The following ITK variants were observed in gnomAD, a reference collection of about 807,000 sequenced individuals.
ITK encodes the protein IL2 inducible T cell kinase, also known as tyrosine-protein kinase ITK/TSK.
In ITK, 45 loss-of-function variants were observed where a neutral mutation model predicts 87.6. That is an observed-to-expected ratio of 0.51 (90% CI 0.40 to 0.66). ITK has a LOEUF of 0.66. ITK is among the 30% of genes least tolerant of loss of function. The probability of loss-of-function intolerance (pLI) is 0.00; values close to 1 mark genes in which losing one functional copy is unlikely to be tolerated. For synonymous variants in ITK, 303 were observed against 273.6 expected (o/e 1.11, Z -1.06); for missense variants, 605 against 766.3 (o/e 0.79, Z 2.48).
At chr5:157,200,221 C>G (rs1443340373) in intron 1 of ITK, among the ~76,000 whole-genome samples, 1 of 152,178 alleles carries the variant, frequency 6.6e-6, no homozygotes, top group Non-Finnish European at 1.5e-5. Context: ...TTGTGTCTGA[C>G]ACGTGTCAGA....
At chr5:157,204,515 C>T (rs1165021999) in intron 1 of ITK, among the ~76,000 whole-genome samples, 4 of 152,056 alleles carry the variant, frequency 2.6e-5, no homozygotes, top group South Asian at 2.1e-4. Flanking sequence ...CTGGCTATCA[C>T]GGTGAAACCC....
rs1755178705 is a variant in ITK, at chr5:157,253,224, T to C, written c.*546T>C. On this transcript the variant is annotated 3_prime_UTR_variant, in exon 17 of 17. Coordinates refer to ENST00000422843, the MANE Select transcript of ITK (RefSeq NM_005546.4). ...TTGCTGTGATGCTGTCAGCCACAGC[T>C]TCCTGCCGTAGAGAATGATAGAGCA... 4.0e-6 allele frequency: 1 copy of C among 249,394 alleles called. No individual in the cohort carries two copies. Among genetic ancestry groups the C allele is most frequent in the Non-Finnish European group, 8.0e-6 (1 of 125,530 alleles). 15.4% of individuals were successfully genotyped at this position (249,394 alleles called of 1,614,324 possible). A position where few individuals can be genotyped will look rare whatever the true frequency, so the allele number is the denominator to read the frequency against.
intron 1 of ITK, among the ~76,000 whole-genome samples, chr5:157,184,944 A>G (rs908162700): frequency 3.9e-5 from 6 of 152,148 alleles, no homozygotes; most frequent in African/African-American, 1.4e-4. Flanking sequence ...AGAAACAGTC[A>G]AGATCACCAT....
At chr5:157,212,712 C>A (rs2113754762) in intron 3 of ITK, among the ~76,000 whole-genome samples, 1 of 152,130 alleles carries the variant, frequency 6.6e-6, no homozygotes, top group African/African-American at 2.4e-5. Context: ...ATTAGGCAGG[C>A]ATGGTGGCAC....
At chr5:157,188,960 A>G (rs1346669186) in intron 1 of ITK, among the ~76,000 whole-genome samples, 2 of 152,166 alleles carry the variant, frequency 1.3e-5, no homozygotes, top group Non-Finnish European at 2.9e-5. Flanking sequence ...CATCATCTAA[A>G]ACAGTTCTGG....
chr5:157,234,548 G>A (rs942863088), intron 8 of ITK, among the ~76,000 whole-genome samples: 1 of 152,102 alleles, frequency 6.6e-6, no homozygotes, highest in Non-Finnish European at 1.5e-5. Flanking sequence ...GCGTATATGT[G>A]CCACATTTTC....
chr5:157,238,325 T>C (rs1754818832), intron 9 of ITK, 134 bp downstream of exon 9: 4 of 743,028 alleles, frequency 5.4e-6, no homozygotes, highest in Non-Finnish European at 9.6e-6. Flanking sequence ...CCCTCTTTAC[T>C]CCGAGAAAAC....
chr5:157,250,831 A>G (rs980059223), intron 16 of ITK, among the ~76,000 whole-genome samples: 2 of 152,078 alleles, frequency 1.3e-5, no homozygotes, highest in East Asian at 3.9e-4. Context: ...ATATGCCTTT[A>G]AGGTCCCTCC....
At position 157,191,856 on chromosome 5, in the gene ITK, T is replaced by A. The variant is rs1233044627; in HGVS notation, c.138+10741T>A. 9.2e-5 allele frequency among the ~76,000 whole-genome samples: 14 copies of A among 152,302 alleles called. 4 individuals are homozygous for A. The highest frequency in any genetic ancestry group is 7.8e-4 in the Admixed American group (12 of 15,288). On this transcript the variant is annotated intron_variant, in intron 1 of 16. Coordinates refer to ENST00000422843, the MANE Select transcript of ITK (RefSeq NM_005546.4). ...AAGCAGTATACATAATATAGGGCTG[T>A]CTCATTTTTAAAATCAGCTTCTTAG... is the stretch of plus-strand genomic sequence containing the variant.
chr5:157,189,648 T>A (rs1446053960), intron 1 of ITK, among the ~76,000 whole-genome samples: 1 of 151,990 alleles, frequency 6.6e-6, no homozygotes, highest in Non-Finnish European at 1.5e-5. Flanking sequence ...ACCACTGCAC[T>A]CCAGCCTGGG....
chr5:157,205,088 C>T (rs1334433794), intron 1 of ITK, among the ~76,000 whole-genome samples: 1 of 152,166 alleles, frequency 6.6e-6, no homozygotes, highest in Non-Finnish European at 1.5e-5. Context: ...GTTAAGGCTT[C>T]CTTAACTTCT....
rs869230073 is a variant in ITK at position 157,233,963 on chromosome 5, A to AT, written c.768+1604dup. 3.1e-4 allele frequency among the ~76,000 whole-genome samples: 7 copies of AT among 22,294 alleles called. 2 individuals are homozygous for AT. The highest frequency in any genetic ancestry group is 5.6e-4 in the Non-Finnish European group (7 of 12,544). The allele number at this position is 22,294 out of a possible 152,430, so 14.6% of individuals were successfully genotyped here. On this transcript the variant is annotated intron_variant, in intron 8 of 16. Transcript: ENST00000422843. Reference sequence around the variant, plus strand: ...TATATATATATATATATATATATATATTTTTTTTTTTTTTTTTTTTTTTTT... The same window carrying AT: ...TATATATATATATATATATATATATATTTTTTTTTTTTTTTTTTTTTTTTTT...
intron 5 of ITK, among the ~76,000 whole-genome samples, chr5:157,221,655 T>C (rs1754416946): frequency 6.6e-6 from 1 of 152,172 alleles, no homozygotes; most frequent in South Asian, 2.1e-4. Flanking sequence ...AGGGCCCTGC[T>C]CTGACCTTTC....
At chr5:157,252,522 G>T in intron 16 of ITK, 85 bp from the exon 17 acceptor site, 1 of 943,114 alleles carries the variant, frequency 1.1e-6, no homozygotes, top group South Asian at 1.3e-5. Context: ...CACAGGGGAT[G>T]CTGCTATTAA....
At chr5:157,242,080 T>C (rs1011505424) in intron 11 of ITK, among the ~76,000 whole-genome samples, 2 of 152,230 alleles carry the variant, frequency 1.3e-5, no homozygotes, top group African/African-American at 4.8e-5. Context: ...TTTTATATCA[T>C]CTAGTTGGTT....
At chr5:157,234,994 G>A (rs377335789) in intron 8 of ITK, among the ~76,000 whole-genome samples, 2 of 152,092 alleles carry the variant, frequency 1.3e-5, no homozygotes, top group African/African-American at 4.8e-5. Context: ...AACTCCTGGT[G>A]TACTGCCCCA....
At chr5:157,218,837 G>C (rs966836638) in intron 5 of ITK, among the ~76,000 whole-genome samples, 1 of 152,212 alleles carries the variant, frequency 6.6e-6, no homozygotes, top group Non-Finnish European at 1.5e-5. Context: ...CATCACCTGG[G>C]AGCATGTTAG....
chr5:157,211,423 T>C lies in ITK; in HGVS notation c.325+55T>C, dbSNP rs373322097. ...TGACACTCTTGATCCTATAGTAGGG[T>C]TGGGTTCCACAATAGAATAGAGTGT... On this transcript the variant is annotated intron_variant, in intron 3 of 16. Coordinates refer to ENST00000422843, the MANE Select transcript of ITK (RefSeq NM_005546.4). 1.1e-3 allele frequency: 1,559 copies of C among 1,403,838 alleles called. 10 individuals carry two copies. The highest frequency in any genetic ancestry group is 3.1e-3 in the South Asian group (272 of 86,600). The allele number at this position is 1,403,838 out of a possible 1,614,324, so 87.0% of individuals were successfully genotyped here. A position where few individuals can be genotyped will look rare whatever the true frequency, so the allele number is the denominator to read the frequency against.
At chr5:157,238,448 A>C (rs1441773747) in intron 9 of ITK, among the ~76,000 whole-genome samples, 1 of 152,266 alleles carries the variant, frequency 6.6e-6, no homozygotes, top group Non-Finnish European at 1.5e-5. Flanking sequence ...TTCTAAAGAC[A>C]TAAAATACTT....
Sources: allele counts gnomAD v4.1 joint callset (sites outside exome capture counted in the v4.1 genomes callset), GRCh38; gene constraint gnomAD v4.1.1; transcripts MANE v1.5; gene names NCBI Gene and HGNC (gene_info 2026-07-23, HGNC 2026-07-21).